SH3RF3: variants seen among roughly 807,000 people sequenced by gnomAD.
SH3RF3 encodes the protein SH3 domain containing ring finger 3, also known as E3 ubiquitin-protein ligase SH3RF3.
In SH3RF3, 29 loss-of-function variants were observed where a neutral mutation model predicts 66.3. That is an observed-to-expected ratio of 0.44 (90% CI 0.33 to 0.60). The LOEUF (loss-of-function observed/expected upper bound fraction) is 0.60. SH3RF3 is among the 20% of genes least tolerant of loss of function. The pLI, the probability that SH3RF3 is intolerant of heterozygous loss-of-function variation, is 0.04. For missense variants in SH3RF3, 1,194 were observed against 1,190.9 expected, an observed-to-expected ratio of 1.00 and a Z score of -0.04; for synonymous variants, 583 against 532.0, an observed-to-expected ratio of 1.10 and a Z score of -1.32.
intron 1 of SH3RF3, among the ~76,000 whole-genome samples, chr2:109,311,848 A>T (rs1281364425): frequency 7.4e-6 from 1 of 135,438 alleles, no homozygotes; most frequent in African/African-American, 3.3e-5. Flanking sequence ...CTTTATTGTT[A>T]TTTTTTTAAT....
chr2:109,215,679 G>A (rs1437536176), intron 1 of SH3RF3, among the ~76,000 whole-genome samples: 4 of 152,186 alleles, frequency 2.6e-5, no homozygotes, highest in African/African-American at 9.7e-5. Flanking sequence ...AGAAGCTGCT[G>A]CTTCTGGAAT....
chr2:109,488,982 C>A (rs1034217723), intron 8 of SH3RF3, among the ~76,000 whole-genome samples: 4 of 152,182 alleles, frequency 2.6e-5, no homozygotes, highest in Non-Finnish European at 5.9e-5. Context: ...CCAGAACTCC[C>A]CATGGACTGT....
chr2:109,385,001 G>A (rs1675788350), intron 3 of SH3RF3, among the ~76,000 whole-genome samples: 1 of 152,216 alleles, frequency 6.6e-6, no homozygotes, highest in Non-Finnish European at 1.5e-5. Flanking sequence ...TCTACCCTGT[G>A]GGTCCACCCA....
Position 109,129,490 on chromosome 2 carries a change from C to T in SH3RF3, c.-51C>T. ...CTGGCTGCCGGTGGCGGGCTCCACG[C>T]CGGCCCCGGGACCTAGGCAGCCGCG... On this transcript the variant is annotated 5_prime_UTR_variant, in exon 1 of 10. Coordinates refer to ENST00000309415, the MANE Select transcript of SH3RF3 (RefSeq NM_001099289.3). 1 of 1,494,746 alleles carries T rather than the reference C, an allele frequency of 6.7e-7. No homozygotes were observed. The highest frequency in any genetic ancestry group is 2.1e-5 in the Admixed American group (1 of 47,394). The allele number at this position is 1,494,746 out of a possible 1,614,324, so 92.6% of individuals were successfully genotyped here. A position where few individuals can be genotyped will look rare whatever the true frequency, so the allele number is the denominator to read the frequency against.
intron 1 of SH3RF3, among the ~76,000 whole-genome samples, chr2:109,199,622 T>TTAACC: frequency 0.015 from 2 of 130 alleles, no homozygotes; most frequent in Middle Eastern, 0.5. Context: ...TGGAATGGAA[T>TTAACC]GGAATGGAAT....
intron 1 of SH3RF3, among the ~76,000 whole-genome samples, chr2:109,249,326 C>T (rs1181264242): frequency 6.6e-6 from 1 of 152,196 alleles, no homozygotes; most frequent in East Asian, 1.9e-4. Context: ...AAACCTAACA[C>T]ATAATCTTTG....
chr2:109,207,536 C>T (rs960691096), intron 1 of SH3RF3, among the ~76,000 whole-genome samples: 1 of 152,108 alleles, frequency 6.6e-6, no homozygotes, highest in Admixed American at 6.5e-5. Context: ...CATGGTAAAA[C>T]AGTGTTTCTC....
intron 3 of SH3RF3, among the ~76,000 whole-genome samples, chr2:109,383,727 C>T (rs949554505): frequency 6.6e-6 from 1 of 152,180 alleles, no homozygotes. Context: ...CAGAGCTACT[C>T]TCTGTTGCTT....
chr2:109,212,736 G>T (rs1466785274), intron 1 of SH3RF3, among the ~76,000 whole-genome samples: 1 of 152,074 alleles, frequency 6.6e-6, no homozygotes, highest in Non-Finnish European at 1.5e-5. Context: ...TTCTCTCTTT[G>T]CCCGTGGCCC....
At chr2:109,363,556 C>T (rs935878575) in intron 2 of SH3RF3, among the ~76,000 whole-genome samples, 5 of 152,116 alleles carry the variant, frequency 3.3e-5, no homozygotes, top group Admixed American at 2.0e-4. Context: ...TTCTCTGGTG[C>T]GTTGCCTTTC....
chr2:109,362,001 G>A (rs1183945262), intron 2 of SH3RF3, among the ~76,000 whole-genome samples: 1 of 151,758 alleles, frequency 6.6e-6, no homozygotes, highest in East Asian at 1.9e-4. Context: ...GATTTTTATT[G>A]ATCTTTTTAA....
At chr2:109,458,204 G>A (rs189757268) in intron 8 of SH3RF3, among the ~76,000 whole-genome samples, 1 of 152,098 alleles carries the variant, frequency 6.6e-6, no homozygotes, top group Non-Finnish European at 1.5e-5. Context: ...CTTCCAGGCC[G>A]CATCTTACTA....
chr2:109,434,563 C>T (rs555242022), intron 6 of SH3RF3, among the ~76,000 whole-genome samples: 59 of 152,358 alleles, frequency 3.9e-4, no homozygotes, highest in Admixed American at 7.8e-4. Context: ...GACTGCCTTC[C>T]ACCCTCTTCC....
At position 109,467,248 on chromosome 2, in the gene SH3RF3, C is replaced by T. The variant is rs553218668; in HGVS notation, c.2148+17759C>T. On this transcript the variant is annotated intron_variant, in intron 8 of 9. Coordinates refer to ENST00000309415, the MANE Select transcript of SH3RF3 (RefSeq NM_001099289.3). ...TGGAAATGGCCCAGATGCCAATCAG[C>T]TGATGAATGCATGCACAGACAGTGG... is the stretch of plus-strand genomic sequence containing the variant. Among the ~76,000 whole-genome samples, 3 of 152,376 alleles carry T rather than the reference C, an allele frequency of 2.0e-5. No individual in the cohort carries two copies. In the South Asian group the frequency reaches 6.2e-4, roughly 32 times the overall value.
At chr2:109,172,832 GT>G (rs766288141) in intron 1 of SH3RF3, among the ~76,000 whole-genome samples, 16 of 152,248 alleles carry the variant, frequency 1.1e-4, no homozygotes, top group Non-Finnish European at 1.5e-5. Flanking sequence ...GCCTCGACTG[GT>G]GAGTATTGTA....
intron 8 of SH3RF3, among the ~76,000 whole-genome samples, chr2:109,464,117 G>A (rs1678275153): frequency 6.6e-6 from 1 of 152,154 alleles, no homozygotes; most frequent in Non-Finnish European, 1.5e-5. Flanking sequence ...TTTTACAGGG[G>A]ATCATTCAGT....
At chr2:109,197,134 G>A (rs1678523391) in intron 1 of SH3RF3, among the ~76,000 whole-genome samples, 1 of 152,212 alleles carries the variant, frequency 6.6e-6, no homozygotes, top group African/African-American at 2.4e-5. Context: ...GTTTGAACCT[G>A]TGCAGATGGC....
At chr2:109,226,133 G>A (rs1187886516) in intron 1 of SH3RF3, among the ~76,000 whole-genome samples, 2 of 152,210 alleles carry the variant, frequency 1.3e-5, no homozygotes, top group Non-Finnish European at 2.9e-5. Context: ...AAATGTCAGA[G>A]GAGGTTGTCC....
At chr2:109,187,421 C>A (rs1263096026) in intron 1 of SH3RF3, among the ~76,000 whole-genome samples, 1 of 151,958 alleles carries the variant, frequency 6.6e-6, no homozygotes, top group Non-Finnish European at 1.5e-5. Flanking sequence ...GCCGCACACA[C>A]GTAAATACAG....
Sources: gnomAD v4.1 joint callset for allele counts (sites outside exome capture counted in the v4.1 genomes callset) on GRCh38, gnomAD v4.1.1 for gene constraint, MANE v1.5 for transcripts, NCBI Gene and HGNC (gene_info 2026-07-23, HGNC 2026-07-21) for gene names.